PSMD1: variants seen among roughly 807,000 people sequenced by gnomAD.
PSMD1 encodes proteasome 26S subunit, non-ATPase 1.
In PSMD1, 18 loss-of-function variants were observed where a neutral mutation model predicts 119.0. The ratio of observed to expected loss-of-function variants is 0.15; its 90% CI spans 0.10 to 0.22. The LOEUF (loss-of-function observed/expected upper bound fraction) is 0.22, where lower values mean the gene tolerates loss of function less well. Ranked by LOEUF, PSMD1 falls within the 10% of genes least tolerant of loss-of-function variation. PSMD1 has a pLI of 1.00. For synonymous variants in PSMD1, 374 were observed against 396.6 expected, an observed-to-expected ratio of 0.94 and a Z score of 0.68; for missense variants, 702 against 1,158.5, an observed-to-expected ratio of 0.61 and a Z score of 5.72.
At chr2:231,079,712 C>T (rs1002982198) in intron 11 of PSMD1, 98 bp downstream of exon 11, 4 of 719,262 alleles carry the variant, frequency 5.6e-6, no homozygotes, top group Admixed American at 6.7e-5. Flanking sequence ...TTAACAAGTA[C>T]ACTTTGTTAA....
At chr2:231,092,107 A>G (rs1694611670) in intron 16 of PSMD1, among the ~76,000 whole-genome samples, 1 of 152,194 alleles carries the variant, frequency 6.6e-6, no homozygotes, top group East Asian at 1.9e-4. Context: ...TAAGATGACT[A>G]TGGCTGAGAC....
intron 16 of PSMD1, among the ~76,000 whole-genome samples, chr2:231,129,614 G>A (rs1280334949): frequency 6.6e-6 from 1 of 152,174 alleles, no homozygotes; most frequent in Non-Finnish European, 1.5e-5. Context: ...CACAGTCTGT[G>A]TGGTTTTGTT....
chr2:231,056,921 C>G lies in PSMD1; in HGVS notation c.-105C>G. ...AGGAGGCGACTGACTGAGCAGCGCA[C>G]CCGGGGAGCAAGGAGGCGCGGTGAA... On this transcript the variant is annotated 5_prime_UTR_variant, in exon 1 of 25. Coordinates refer to ENST00000308696, the MANE Select transcript of PSMD1 (RefSeq NM_002807.4). 2.7e-6 allele frequency: 4 copies of G among 1,463,214 alleles called. No homozygotes were observed. The highest frequency in any genetic ancestry group is 3.7e-6 in the Non-Finnish European group (4 of 1,082,046). 90.6% of individuals were successfully genotyped at this position (1,463,214 alleles called of 1,614,324 possible).
At chr2:231,130,229 C>T (rs1695822499) in intron 16 of PSMD1, among the ~76,000 whole-genome samples, 1 of 152,188 alleles carries the variant, frequency 6.6e-6, no homozygotes, top group Admixed American at 6.5e-5. Flanking sequence ...TCGTTGAGTA[C>T]ACATGCAGCT....
At chr2:231,065,760 C>A (rs1031427291) in intron 4 of PSMD1, among the ~76,000 whole-genome samples, 1 of 152,144 alleles carries the variant, frequency 6.6e-6, no homozygotes, top group Admixed American at 6.5e-5. Context: ...GTATGTCACA[C>A]CCTCCCCTCC....
intron 16 of PSMD1, among the ~76,000 whole-genome samples, chr2:231,093,610 A>T (rs1694653007): frequency 6.6e-6 from 1 of 152,284 alleles, no homozygotes; most frequent in African/African-American, 2.4e-5. Flanking sequence ...ACCATACATT[A>T]CTATTTACAT....
chr2:231,137,578 A>G (rs1425579489), intron 16 of PSMD1, among the ~76,000 whole-genome samples: 1 of 152,020 alleles, frequency 6.6e-6, no homozygotes, highest in African/African-American at 2.4e-5. Context: ...TTCTGGGGGT[A>G]CATGTGCAGG....
intron 16 of PSMD1, among the ~76,000 whole-genome samples, chr2:231,103,789 T>C (rs1056377972): frequency 5.3e-5 from 8 of 152,208 alleles, no homozygotes; most frequent in Admixed American, 1.3e-4. Flanking sequence ...CTAAAAATTA[T>C]TCTCCTTGAG....
chr2:231,094,055 G>T (rs973380153), intron 16 of PSMD1, among the ~76,000 whole-genome samples: 1 of 152,084 alleles, frequency 6.6e-6, no homozygotes, highest in Non-Finnish European at 1.5e-5. Flanking sequence ...ACATATCTTT[G>T]TTTTCTAAAT....
intron 16 of PSMD1, 22 bp from the exon 17 acceptor site, chr2:231,138,714 T>G (rs1696031423): frequency 6.4e-7 from 1 of 1,564,162 alleles, no homozygotes; most frequent in Admixed American, 1.7e-5. Context: ...TAACAGTGGC[T>G]TCGCTTTCTG....
chr2:231,154,225 A>T (rs1285040381), intron 19 of PSMD1, among the ~76,000 whole-genome samples: 1 of 152,148 alleles, frequency 6.6e-6, no homozygotes, highest in East Asian at 1.9e-4. Context: ...TGAGGTCAGG[A>T]GTTCAAGACC....
intron 23 of PSMD1, among the ~76,000 whole-genome samples, chr2:231,167,086 C>T (rs558386716): frequency 6.6e-6 from 1 of 152,322 alleles, no homozygotes; most frequent in African/African-American, 2.4e-5. Context: ...ACATGTAAAG[C>T]ACCTAAAACA....
At position 231,066,965 on chromosome 2, in the gene PSMD1, GA is replaced by G; in HGVS notation, c.372del (p.Lys124AsnfsTer11). The G allele has an allele frequency of 6.2e-7, 1 of 1,612,460 alleles. No individual in the cohort carries two copies. The highest frequency in any genetic ancestry group is 1.7e-5 in the Admixed American group (1 of 59,720). On this transcript the variant is annotated frameshift_variant, in exon 5 of 25. Coordinates refer to ENST00000308696, the MANE Select transcript of PSMD1 (RefSeq NM_002807.4). LOFTEE classifies it high-confidence loss of function. Reference sequence around the variant, plus strand: ...GGAAAATGCAGATTTGCCTGAAGGAGAAAAAAAACCAATTGACCAGAGATTG... The same window carrying G: ...GGAAAATGCAGATTTGCCTGAAGGAGAAAAAAACCAATTGACCAGAGATTG... ...CVENADLPEG[E>X]KKPIDQRLEG...
chr2:231,113,978 C>G (rs764933950), intron 16 of PSMD1: 5 of 1,476,214 alleles, frequency 3.4e-6, no homozygotes, highest in Non-Finnish European at 4.7e-6. Context: ...AAAATGGCAA[C>G]TTTCAGTCTA....
chr2:231,083,536 C>G, intron 13 of PSMD1, 31 bp from the exon 14 acceptor site: 2 of 1,609,864 alleles, frequency 1.2e-6, no homozygotes, highest in South Asian at 1.1e-5. Flanking sequence ...AAACATAACT[C>G]TCTGTTAACA....
chr2:231,163,477 A>G, intron 20 of PSMD1, 158 bp from the exon 21 acceptor site: 1 of 547,830 alleles, frequency 1.8e-6, no homozygotes, highest in Non-Finnish European at 3.3e-6. Context: ...AAGAACCTAA[A>G]AACTAAATCA....
At chr2:231,106,870 C>T (rs1319706039) in intron 16 of PSMD1, among the ~76,000 whole-genome samples, 3 of 152,038 alleles carry the variant, frequency 2.0e-5, no homozygotes, top group Non-Finnish European at 4.4e-5. Context: ...CCTTCAGATG[C>T]ATAAAATACA....
At chr2:231,143,873 C>T (rs1279534684) in intron 17 of PSMD1, among the ~76,000 whole-genome samples, 1 of 152,126 alleles carries the variant, frequency 6.6e-6, no homozygotes, top group Non-Finnish European at 1.5e-5. Flanking sequence ...TGGAAAATTT[C>T]ATCACTTGTG....
At chr2:231,090,752 C>A (rs1159089097) in intron 16 of PSMD1, among the ~76,000 whole-genome samples, 1 of 152,126 alleles carries the variant, frequency 6.6e-6, no homozygotes, top group Non-Finnish European at 1.5e-5. Context: ...TTCCATCCCT[C>A]ATGGATAACT....
Sources: allele counts gnomAD v4.1 joint callset (sites outside exome capture counted in the v4.1 genomes callset), GRCh38; gene constraint gnomAD v4.1.1; transcripts MANE v1.5; gene names NCBI Gene and HGNC (gene_info 2026-07-23, HGNC 2026-07-21).